PCDH15: variants seen among roughly 807,000 people sequenced by gnomAD.
PCDH15 encodes protocadherin-15.
Under a neutral mutation model 178.5 loss-of-function variants are expected in PCDH15, and 129 were observed. The observed-to-expected ratio is 0.72, with a 90% CI of 0.63 to 0.84. The LOEUF is 0.84. PCDH15 is among the 40% of genes least tolerant of loss of function. The pLI, the probability that PCDH15 is intolerant of heterozygous loss-of-function variation, is 0.00. For missense variants in PCDH15, 2,230 were observed against 2,099.9 expected (o/e 1.06, Z -1.21); for synonymous variants, 800 against 732.0 (o/e 1.09, Z -1.50).
intron 2 of PCDH15, among the ~76,000 whole-genome samples, chr10:55,363,303 T>G (rs1845273565): frequency 6.6e-6 from 1 of 152,300 alleles, no homozygotes; most frequent in African/African-American, 2.4e-5. Context: ...TTAAACACAG[T>G]TTTACCAGTA....
chr10:54,327,175 T>C (rs977369149), intron 7 of PCDH15, among the ~76,000 whole-genome samples: 3 of 108,686 alleles, frequency 2.8e-5, no homozygotes, highest in Admixed American at 2.0e-4. Context: ...AAAAATTATA[T>C]CTTTTTAATT....
chr10:55,533,834 C>T (rs1486301029), intron 2 of PCDH15, among the ~76,000 whole-genome samples: 2 of 152,024 alleles, frequency 1.3e-5, no homozygotes, highest in East Asian at 3.9e-4. Context: ...TCAAACTATA[C>T]CATAAGGCTA....
At chr10:54,091,430 T>C (rs1453700214) in intron 15 of PCDH15, among the ~76,000 whole-genome samples, 1 of 152,122 alleles carries the variant, frequency 6.6e-6, no homozygotes, top group Admixed American at 6.5e-5. Context: ...GAGTGTGAAA[T>C]TCCCTGTCCA....
chr10:55,528,346 A>G (rs1400380210), intron 2 of PCDH15, among the ~76,000 whole-genome samples: 1 of 151,960 alleles, frequency 6.6e-6, no homozygotes, highest in Non-Finnish European at 1.5e-5. Context: ...CATTTACATT[A>G]GGCATATCTC....
chr10:54,508,152 T>C (rs896783179), intron 3 of PCDH15, among the ~76,000 whole-genome samples: 1 of 152,062 alleles, frequency 6.6e-6, no homozygotes, highest in Non-Finnish European at 1.5e-5. Context: ...CATCCTACTG[T>C]ATGTGACTCA....
chr10:55,549,588 A>C (rs1002348610), intron 2 of PCDH15, among the ~76,000 whole-genome samples: 1 of 152,158 alleles, frequency 6.6e-6, no homozygotes, highest in South Asian at 2.1e-4. Context: ...GAGGTGGGCT[A>C]AAAGTAGAAG....
chr10:55,603,485 A>G (rs1453703596), intron 2 of PCDH15, among the ~76,000 whole-genome samples: 1 of 152,166 alleles, frequency 6.6e-6, no homozygotes. Context: ...TGTTAAGGGC[A>G]GCCAGAGAGA....
At chr10:54,611,585 G>A (rs1377651933) in intron 2 of PCDH15, among the ~76,000 whole-genome samples, 1 of 151,890 alleles carries the variant, frequency 6.6e-6, no homozygotes, top group Admixed American at 6.6e-5. Context: ...AATTCAAAGA[G>A]TCTGGTCCCT....
intron 2 of PCDH15, among the ~76,000 whole-genome samples, chr10:55,068,125 A>G (rs1841615601): frequency 6.6e-6 from 1 of 151,926 alleles, no homozygotes; most frequent in South Asian, 2.1e-4. Flanking sequence ...ATTTGCCTGT[A>G]CTTTTGAGGT....
chr10:54,331,127 T>C (rs1466400485), intron 6 of PCDH15, among the ~76,000 whole-genome samples: 2 of 149,898 alleles, frequency 1.3e-5, no homozygotes, highest in Non-Finnish European at 3.0e-5. Flanking sequence ...TTAGTGTAAG[T>C]GTATTCCTAA....
intron 15 of PCDH15, among the ~76,000 whole-genome samples, chr10:54,132,142 A>G (rs1487441396): frequency 6.6e-6 from 1 of 152,186 alleles, no homozygotes; most frequent in Non-Finnish European, 1.5e-5. Flanking sequence ...ATAGTACGTC[A>G]TCTTATGATT....
rs1554821197 is a variant in PCDH15, at chr10:53,823,434, GC to G, written c.4368-3205del. ...CTTTCATGAGAAAGATGTTTTTATGGCTCTCATTACTATTAAATACTTAAAA... is the reference window on the plus strand; with the variant it reads ...CTTTCATGAGAAAGATGTTTTTATGGTCTCATTACTATTAAATACTTAAAA... On this transcript the variant is annotated intron_variant, in intron 32 of 37. Coordinates refer to ENST00000644397, the MANE Select transcript of PCDH15 (RefSeq NM_001384140.1). The G allele has an allele frequency of 5.2e-6, 7 of 1,335,632 alleles. No individual in the cohort carries two copies. Among genetic ancestry groups the G allele is most frequent in the Non-Finnish European group, 7.5e-6 (7 of 927,496 alleles). 82.7% of individuals were successfully genotyped at this position (1,335,632 alleles called of 1,614,324 possible).
intron 5 of PCDH15, among the ~76,000 whole-genome samples, chr10:54,359,933 T>C (rs941733060): frequency 1.3e-5 from 2 of 152,074 alleles, no homozygotes; most frequent in African/African-American, 4.8e-5. Flanking sequence ...ATAATAATAT[T>C]TAAAATAAAT....
At chr10:55,046,252 G>GT (rs1841003157) in intron 2 of PCDH15, among the ~76,000 whole-genome samples, 1 of 151,892 alleles carries the variant, frequency 6.6e-6, no homozygotes, top group Non-Finnish European at 1.5e-5. Context: ...GAGGAAAATT[G>GT]TATCTAGCAG....
intron 15 of PCDH15, among the ~76,000 whole-genome samples, chr10:54,127,371 C>A (rs2042071551): frequency 6.6e-6 from 1 of 152,212 alleles, no homozygotes; most frequent in Non-Finnish European, 1.5e-5. Context: ...TGATTCAACA[C>A]TAGTTCGTAA....
chr10:54,245,624 T>C (rs2055845690), intron 8 of PCDH15, among the ~76,000 whole-genome samples: 1 of 152,098 alleles, frequency 6.6e-6, no homozygotes, highest in South Asian at 2.1e-4. Context: ...CTTAAAAATA[T>C]TGCAAATGCT....
chr10:54,126,913 C>T (rs1409359984), intron 15 of PCDH15, among the ~76,000 whole-genome samples: 2 of 151,974 alleles, frequency 1.3e-5, no homozygotes, highest in Non-Finnish European at 2.9e-5. Flanking sequence ...AAAAAATATT[C>T]TATCTTACTT....
intron 18 of PCDH15, among the ~76,000 whole-genome samples, chr10:54,033,499 A>G (rs1370093374): frequency 6.6e-6 from 1 of 151,948 alleles, no homozygotes; most frequent in African/African-American, 2.4e-5. Context: ...AAACATTTCC[A>G]CATAAGCATT....
chr10:53,809,740 T>C (rs936904312), intron 37 of PCDH15, among the ~76,000 whole-genome samples: 6 of 152,232 alleles, frequency 3.9e-5, no homozygotes, highest in Non-Finnish European at 8.8e-5. Context: ...TAAATTATTT[T>C]ATTTTAGCTT....
Sources: gnomAD v4.1 joint callset for allele counts (sites outside exome capture counted in the v4.1 genomes callset) on GRCh38, gnomAD v4.1.1 for gene constraint, MANE v1.5 for transcripts, NCBI Gene and HGNC (gene_info 2026-07-23, HGNC 2026-07-21) for gene names.